Variants in SPAG16 observed in about 807,000 individuals in gnomAD.
SPAG16 encodes sperm associated antigen 16, also known as sperm-associated antigen 16 protein.
A neutral mutation model predicts 80.4 loss-of-function variants in SPAG16; 86 were observed. The observed-to-expected ratio is 1.07, with a 90% CI of 0.90 to 1.28. SPAG16 has a LOEUF of 1.28. Ranked by LOEUF, SPAG16 falls within the 50% of genes most tolerant of loss-of-function variation. The probability of loss-of-function intolerance (pLI) is 0.00; values close to 1 mark genes in which losing one functional copy is unlikely to be tolerated. For missense variants in SPAG16, 870 were observed against 765.3 expected (o/e 1.14, Z -1.61); for synonymous variants, 294 against 265.9 (o/e 1.11, Z -1.03).
chr2:214,114,249 C>G (rs2053822184), intron 14 of SPAG16, among the ~76,000 whole-genome samples: 1 of 152,130 alleles, frequency 6.6e-6, no homozygotes, highest in Non-Finnish European at 1.5e-5. Flanking sequence ...TCAGCCCCTA[C>G]CGGGAGGTGT....
intron 10 of SPAG16, among the ~76,000 whole-genome samples, chr2:213,709,249 G>T (rs573923138): frequency 6.6e-6 from 1 of 152,194 alleles, no homozygotes; most frequent in African/African-American, 2.4e-5. Flanking sequence ...AAATGTCTTT[G>T]ATCCTTTCTC....
chr2:213,347,974 T>G (rs1483585439), intron 6 of SPAG16, among the ~76,000 whole-genome samples: 2 of 152,176 alleles, frequency 1.3e-5, no homozygotes, highest in Non-Finnish European at 2.9e-5. Flanking sequence ...CTGTCTAATG[T>G]TGACAGTGGG....
chr2:213,346,057 T>C (rs1242484351), intron 6 of SPAG16, among the ~76,000 whole-genome samples: 10 of 152,164 alleles, frequency 6.6e-5, no homozygotes, highest in East Asian at 5.8e-4. Flanking sequence ...TTTATTTCCT[T>C]GAGCAGTGGT....
intron 11 of SPAG16, among the ~76,000 whole-genome samples, chr2:213,893,188 A>G (rs1206349061): frequency 1.3e-5 from 2 of 152,168 alleles, no homozygotes; most frequent in Non-Finnish European, 2.9e-5. Context: ...AAAGAAAATC[A>G]CCATACAAGA....
chr2:213,447,462 C>T (rs556434512), intron 9 of SPAG16, among the ~76,000 whole-genome samples: 1 of 152,218 alleles, frequency 6.6e-6, no homozygotes, highest in Non-Finnish European at 1.5e-5. Flanking sequence ...GATAAATCCC[C>T]TTTGAGCCCT....
chr2:213,317,430 A>G (rs1460508640), intron 5 of SPAG16, 74 bp downstream of exon 5: 55 of 1,493,486 alleles, frequency 3.7e-5, no homozygotes, highest in East Asian at 4.6e-5. Context: ...AAGCTGATAT[A>G]TGTAATATAC....
intron 9 of SPAG16, among the ~76,000 whole-genome samples, chr2:213,432,172 A>G (rs1381377188): frequency 6.6e-6 from 1 of 152,132 alleles, no homozygotes; most frequent in Non-Finnish European, 1.5e-5. Context: ...CTCACATCAC[A>G]TTTGAAGGAA....
At chr2:214,105,439 C>T (rs2053332606) in intron 13 of SPAG16, among the ~76,000 whole-genome samples, 1 of 152,084 alleles carries the variant, frequency 6.6e-6, no homozygotes, top group Non-Finnish European at 1.5e-5. Context: ...AGGTTAAATG[C>T]CATTATCTCA....
chr2:213,949,179 T>TTTTTTTTTTTTTTTGTTTTG (rs1575623841), intron 12 of SPAG16, among the ~76,000 whole-genome samples: 374 of 34,530 alleles, frequency 0.011, no homozygotes, highest in East Asian at 0.023. Flanking sequence ...GTTTTTTTTT[T>TTTTTTTTTTTTTTTGTTTTG]TTTTTTTTTT....
At chr2:213,998,561 C>G (rs1189383370) in intron 12 of SPAG16, among the ~76,000 whole-genome samples, 1 of 152,110 alleles carries the variant, frequency 6.6e-6, no homozygotes, top group Non-Finnish European at 1.5e-5. Flanking sequence ...AGCATGGAAA[C>G]AGACTAGTAG....
intron 12 of SPAG16, among the ~76,000 whole-genome samples, chr2:214,011,215 T>C (rs948166039): frequency 6.8e-6 from 1 of 146,030 alleles, no homozygotes; most frequent in Non-Finnish European, 1.5e-5. Flanking sequence ...TATTTAAAGA[T>C]GATTATTTCA....
intron 15 of SPAG16, among the ~76,000 whole-genome samples, chr2:214,329,991 G>A: frequency 6.6e-6 from 1 of 152,044 alleles, no homozygotes; most frequent in South Asian, 2.1e-4. Flanking sequence ...TTTAGGCTGG[G>A]TGCGGTGGCT....
chr2:214,372,545 C>A (rs1319559802), intron 15 of SPAG16, among the ~76,000 whole-genome samples: 1 of 152,076 alleles, frequency 6.6e-6, no homozygotes, highest in Non-Finnish European at 1.5e-5. Context: ...TTTTAAGACT[C>A]CAATTTTTTG....
chr2:213,547,540 G>T (rs946742886), intron 10 of SPAG16, among the ~76,000 whole-genome samples: 3 of 152,226 alleles, frequency 2.0e-5, no homozygotes, highest in Middle Eastern at 6.8e-3. Context: ...TTAAAGAACA[G>T]TGTAATTGAT....
chr2:214,337,259 G>A (rs1340662530), intron 15 of SPAG16, among the ~76,000 whole-genome samples: 2 of 152,232 alleles, frequency 1.3e-5, no homozygotes, highest in East Asian at 3.9e-4. Flanking sequence ...GGTTTAGGAA[G>A]CTTGTTGTAA....
intron 13 of SPAG16, among the ~76,000 whole-genome samples, chr2:214,061,483 A>T (rs1329030401): frequency 6.6e-6 from 1 of 152,200 alleles, no homozygotes; most frequent in Non-Finnish European, 1.5e-5. Flanking sequence ...GCAGACCAGT[A>T]GGCTGGAGAC....
rs1019407644 is a variant in SPAG16, at chr2:213,426,373, A to G, written c.942+51254A>G. Among the ~76,000 whole-genome samples the G allele has an allele frequency of 3.3e-5, 5 of 151,948 alleles. No individual in the cohort carries two copies. The South Asian group carries it at 1.0e-3, about 32-fold the overall frequency. The stretch of plus-strand genomic sequence containing the variant: ...TTGAGATTATTGAAATGAGCACCCA[A>G]ATTTTCTTCTAGTACTTTTATAGTT... On this transcript the variant is annotated intron_variant, in intron 9 of 15. Coordinates refer to ENST00000331683, the MANE Select transcript of SPAG16 (RefSeq NM_024532.5).
At chr2:213,342,963 G>C (rs1336078338) in intron 6 of SPAG16, among the ~76,000 whole-genome samples, 1 of 152,000 alleles carries the variant, frequency 6.6e-6, no homozygotes, top group Non-Finnish European at 1.5e-5. Context: ...AGGAGGCAGA[G>C]ATCAGAGTTC....
At chr2:213,933,805 T>C (rs1050842714) in intron 12 of SPAG16, among the ~76,000 whole-genome samples, 5 of 152,220 alleles carry the variant, frequency 3.3e-5, no homozygotes, top group African/African-American at 1.2e-4. Flanking sequence ...TTAAGAACTG[T>C]GTTTACTTTA....
Sources: gnomAD v4.1 joint callset for allele counts (sites outside exome capture counted in the v4.1 genomes callset) on GRCh38, gnomAD v4.1.1 for gene constraint, MANE v1.5 for transcripts, NCBI Gene and HGNC (gene_info 2026-07-23, HGNC 2026-07-21) for gene names.